TMEM232: variants seen among roughly 807,000 people sequenced by gnomAD.
TMEM232 encodes transmembrane protein 232.
TMEM232 carries 80 observed loss-of-function variants against 78.8 expected under a neutral mutation model. That is an observed-to-expected ratio of 1.01 (90% confidence interval 0.85 to 1.22). The LOEUF (loss-of-function observed/expected upper bound fraction) is 1.22, where lower values mean the gene tolerates loss of function less well. TMEM232 is among the 50% of genes most tolerant of loss of function. TMEM232 has a pLI of 0.00. For synonymous variants in TMEM232, 297 were observed against 254.3 expected (o/e 1.17, Z -1.60); for missense variants, 881 against 742.2 (o/e 1.19, Z -2.17).
chr5:110,433,839 A>G (rs1198355372), intron 12 of TMEM232, among the ~76,000 whole-genome samples: 1 of 152,072 alleles, frequency 6.6e-6, no homozygotes, highest in Admixed American at 6.6e-5. Flanking sequence ...CCACTTGATC[A>G]TGGTGAATTA....
At chr5:110,402,369 T>C (rs997431703) in intron 2 of TMEM232, among the ~76,000 whole-genome samples, 23 of 152,094 alleles carry the variant, frequency 1.5e-4, no homozygotes, top group African/African-American at 5.1e-4. Context: ...TTTCAGGACT[T>C]CAATCAAAAT....
At chr5:110,704,859 G>A (rs1795772619) in intron 1 of TMEM232, among the ~76,000 whole-genome samples, 1 of 152,064 alleles carries the variant, frequency 6.6e-6, no homozygotes, top group Non-Finnish European at 1.5e-5. Context: ...GTATCCAAAA[G>A]CCCTGATAAA....
intron 2 of TMEM232, among the ~76,000 whole-genome samples, chr5:110,656,028 A>C (rs997912813): frequency 6.6e-6 from 1 of 151,788 alleles, no homozygotes; most frequent in Non-Finnish European, 1.5e-5. Flanking sequence ...CACATTGTGC[A>C]CATGTACCCT....
rs141176329 is a variant in TMEM232, at chr5:110,535,436, C to T, written c.1456-6601G>A. On this transcript the variant is annotated intron_variant, in intron 11 of 13. Transcript: ENST00000455884. Reference sequence around the variant, plus strand: ...CTTCGCTGACTCTTTAGACTCAGCCCGCCTGCACCCAGGTGATTAAAAGCT... The same window carrying T: ...CTTCGCTGACTCTTTAGACTCAGCCTGCCTGCACCCAGGTGATTAAAAGCT... 9.7e-3 allele frequency among the ~76,000 whole-genome samples: 1,482 copies of T among 152,200 alleles called. 34 individuals carry two copies. Among genetic ancestry groups the T allele is most frequent in the African/African-American group, 0.033 (1,381 of 41,514 alleles).
chr5:110,723,556 GTATAGACTGTTAGCT>G (rs1797866056), intron 1 of TMEM232, among the ~76,000 whole-genome samples: 3 of 152,192 alleles, frequency 2.0e-5, no homozygotes, highest in African/African-American at 7.2e-5. Flanking sequence ...CTCAAAATCT[GTATAGACTGTTAGCT>G]ATTAGCAAAG....
intron 12 of TMEM232, among the ~76,000 whole-genome samples, chr5:110,493,690 G>A (rs1208678097): frequency 2.0e-5 from 3 of 151,912 alleles, no homozygotes; most frequent in Non-Finnish European, 4.4e-5. Flanking sequence ...GCTTAAATAT[G>A]AGCAGCAAAC....
intron 1 of TMEM232, among the ~76,000 whole-genome samples, chr5:110,684,120 A>C (rs916597556): frequency 2.1e-4 from 32 of 152,012 alleles, no homozygotes; most frequent in African/African-American, 7.7e-4. Context: ...TTAATGATAA[A>C]TCATTGGAAG....
intron 12 of TMEM232, among the ~76,000 whole-genome samples, chr5:110,516,592 T>C (rs899903967): frequency 6.6e-6 from 1 of 152,086 alleles, no homozygotes; most frequent in Admixed American, 6.6e-5. Context: ...CATAATGATT[T>C]TTTCATATTT....
At position 110,613,128 on chromosome 5, in the gene TMEM232, T is replaced by C. The variant is rs369460837; in HGVS notation, c.902+5301A>G. Among the ~76,000 whole-genome samples, 9 of 152,212 alleles carry C rather than the reference T, an allele frequency of 5.9e-5. 1 individual carries two copies. Among genetic ancestry groups the C allele is most frequent in the East Asian group, 5.8e-4 (3 of 5,178 alleles). ...GTCTTCAGTGTATTCTTTCCCCAGT[T>C]TTTCCCTGTCCCCCAGCGAGGCTGC... On this transcript the variant is annotated intron_variant, in intron 8 of 13. Coordinates refer to ENST00000455884, the MANE Select transcript of TMEM232 (RefSeq NM_001039763.4).
At chr5:110,531,920 C>T (rs111377730) in intron 11 of TMEM232, among the ~76,000 whole-genome samples, 12 of 152,304 alleles carry the variant, frequency 7.9e-5, no homozygotes, top group African/African-American at 2.9e-4. Flanking sequence ...AAATTAAATT[C>T]TGACCCTCAA....
Position 110,706,922 on chromosome 5 carries a change from C to T in TMEM232, c.-13+19705G>A, listed in dbSNP as rs550685050. ...AGAGAACAAGGGCATTTCAGAATTC[C>T]AATTTGATCCCCTAAATGCTATAAT... On this transcript the variant is annotated intron_variant, in intron 1 of 13. Transcript: ENST00000455884. Among the ~76,000 whole-genome samples the T allele has an allele frequency of 2.5e-4, 38 of 152,204 alleles. 1 individual carries two copies. Among genetic ancestry groups the T allele is most frequent in the African/African-American group, 8.7e-4 (36 of 41,542 alleles).
intron 12 of TMEM232, among the ~76,000 whole-genome samples, chr5:110,431,719 CAAAA>C (rs1434521815): frequency 6.6e-6 from 1 of 150,980 alleles, no homozygotes. Flanking sequence ...ATAGAATTGA[CAAAA>C]AAAGCAGTAA....
chr5:110,556,359 C>CCTTCCCCTT (rs749422538), intron 11 of TMEM232, among the ~76,000 whole-genome samples: 3 of 136,276 alleles, frequency 2.2e-5, no homozygotes, highest in Non-Finnish European at 4.7e-5. Flanking sequence ...CCTTCCCTTC[C>CCTTCCCCTT]CCTTCCTTCC....
At chr5:110,736,867 A>G (rs568298629) in intron 1 of TMEM232, among the ~76,000 whole-genome samples, 1 of 151,990 alleles carries the variant, frequency 6.6e-6, no homozygotes, top group Admixed American at 6.5e-5. Context: ...CTGGCTACCT[A>G]GTTTGCTATC....
chr5:110,495,978 CATT>C (rs57682665), intron 12 of TMEM232, among the ~76,000 whole-genome samples: 5 of 151,338 alleles, frequency 3.3e-5, no homozygotes, highest in East Asian at 1.9e-4. Flanking sequence ...TGCACAGAGG[CATT>C]ATTATTATTA....
chr5:110,684,854 G>C (rs1793196028), intron 1 of TMEM232: 1 of 151,928 alleles, frequency 6.6e-6, no homozygotes, highest in Non-Finnish European at 1.5e-5. Context: ...TTGTATACGG[G>C]GTGTGTTTAC....
At chr5:110,446,011 A>C (rs1759605082) in intron 12 of TMEM232, among the ~76,000 whole-genome samples, 1 of 152,194 alleles carries the variant, frequency 6.6e-6, no homozygotes, top group Non-Finnish European at 1.5e-5. Flanking sequence ...TTACACAGGA[A>C]CAGAGATATC....
chr5:110,532,668 T>C (rs952562896), intron 11 of TMEM232, among the ~76,000 whole-genome samples: 2 of 152,058 alleles, frequency 1.3e-5, no homozygotes, highest in South Asian at 2.1e-4. Flanking sequence ...TATATCTCAT[T>C]GCTACCCTTC....
At chr5:110,649,236 C>T (rs1787952330) in intron 2 of TMEM232, among the ~76,000 whole-genome samples, 2 of 151,762 alleles carry the variant, frequency 1.3e-5, no homozygotes, top group African/African-American at 2.4e-5. Flanking sequence ...AGAGTAAAAA[C>T]AGTTAAGGAA....
Sources: allele counts gnomAD v4.1 joint callset (sites outside exome capture counted in the v4.1 genomes callset), GRCh38; gene constraint gnomAD v4.1.1; transcripts MANE v1.5; gene names NCBI Gene and HGNC (gene_info 2026-07-23, HGNC 2026-07-21).